Variants in ATP11A observed in about 807,000 individuals in gnomAD.
ATP11A encodes ATPase phospholipid transporting 11A, also known as phospholipid-transporting ATPase IH.
ATP11A carries 81 observed loss-of-function variants against 154.4 expected under a neutral mutation model. That is an observed-to-expected ratio of 0.52 (90% CI 0.44 to 0.63). ATP11A has a LOEUF of 0.63. Ranked by LOEUF, ATP11A falls within the 30% of genes least tolerant of loss-of-function variation. ATP11A has a pLI of 0.00. For missense variants in ATP11A, 1,316 were observed against 1,474.3 expected, an observed-to-expected ratio of 0.89 and a Z score of 1.76; for synonymous variants, 623 against 585.9, an observed-to-expected ratio of 1.06 and a Z score of -0.91.
chr13:112,854,568 G>A (rs376859894), intron 19 of ATP11A, 38 bp downstream of exon 19: 2 of 1,558,930 alleles, frequency 1.3e-6, no homozygotes, highest in South Asian at 1.1e-5. Flanking sequence ...CCACACTCCC[G>A]CAAAAGGGGC....
chr13:112,828,400 G>C (rs1038093657), intron 12 of ATP11A, among the ~76,000 whole-genome samples: 3 of 145,030 alleles, frequency 2.1e-5, no homozygotes, highest in Admixed American at 6.9e-5. Context: ...TGTTGAGTAG[G>C]GGGGAAAGCG....
At chr13:112,741,354 C>T (rs1204353229) in intron 1 of ATP11A, among the ~76,000 whole-genome samples, 4 of 95,444 alleles carry the variant, frequency 4.2e-5, no homozygotes, top group Non-Finnish European at 8.8e-5. Context: ...CTGGTCCCTG[C>T]GGGGCTGTGG....
intron 12 of ATP11A, among the ~76,000 whole-genome samples, chr13:112,827,339 C>T (rs1461220303): frequency 2.0e-5 from 3 of 152,200 alleles, no homozygotes; most frequent in Admixed American, 2.0e-4. Context: ...ATGATGGCTG[C>T]GGGAGCTCGG....
At chr13:112,767,646 T>C (rs2077127598) in intron 1 of ATP11A, among the ~76,000 whole-genome samples, 1 of 147,640 alleles carries the variant, frequency 6.8e-6, no homozygotes, top group African/African-American at 2.6e-5. Flanking sequence ...GGTGTGTGAC[T>C]CTTTTACTCT....
At chr13:112,865,868 A>C (rs1440633078) in intron 25 of ATP11A, among the ~76,000 whole-genome samples, 2 of 152,202 alleles carry the variant, frequency 1.3e-5, no homozygotes, top group African/African-American at 4.8e-5. Flanking sequence ...TGAGGTTTTC[A>C]GACTTTATCT....
chr13:112,852,795 T>TGGC (rs1408194013), intron 18 of ATP11A, among the ~76,000 whole-genome samples: 37 of 130,876 alleles, frequency 2.8e-4, no homozygotes, highest in Non-Finnish European at 4.7e-4. Context: ...CGGGGGGGGA[T>TGGC]CTCAGTGGCT....
chr13:112,881,351 A>C, intron 29 of ATP11A: 1 of 1,015,592 alleles, frequency 9.8e-7, no homozygotes. Context: ...CAAGCTGGGC[A>C]CGTCCAGTAC....
rs145334974 is a variant in ATP11A at position 112,700,361 on chromosome 13, C to T, written c.39+9906C>T. ...GGGAGGCAGCCTGGGACAGGCGGGTCCTGCTCCAGAGAGAGAAGGGGCTGC... is the reference window on the plus strand; with the variant it reads ...GGGAGGCAGCCTGGGACAGGCGGGTTCTGCTCCAGAGAGAGAAGGGGCTGC... On this transcript the variant is annotated intron_variant, in intron 1 of 29. Coordinates refer to ENST00000375645, the MANE Select transcript of ATP11A (RefSeq NM_015205.3). Among the ~76,000 whole-genome samples, 1,473 of 152,240 alleles carry T rather than the reference C, an allele frequency of 9.7e-3. 35 individuals carry two copies. The highest frequency in any genetic ancestry group is 0.034 in the African/African-American group (1,416 of 41,558).
Position 112,816,138 on chromosome 13 carries a change from T to C in ATP11A, c.497T>C (p.Phe166Ser), listed in dbSNP as rs770435074. The C allele has an allele frequency of 3.1e-6, 5 of 1,614,196 alleles. No homozygotes were observed. Among genetic ancestry groups the C allele is most frequent in the Non-Finnish European group, 3.4e-6 (4 of 1,180,044 alleles). ...EDETFPCDLI[F>S]LSSNRGDGTC... ...GAGACCTTTCCCTGCGACTTGATCT[T>C]CCTTTCCAGCAACCGGGGAGATGGG... The change falls in exon 6 of 30, where the codon TTC becomes TCC. Residue 166 changes from phenylalanine to serine, a missense_variant. This residue lies in a region of ATP11A where 876 missense variants were observed against 1,006.8 expected (regional missense o/e 0.87). Transcript: ENST00000375645.
chr13:112,787,748 G>A (rs2077688887), intron 2 of ATP11A, among the ~76,000 whole-genome samples: 1 of 151,200 alleles, frequency 6.6e-6, no homozygotes, highest in Non-Finnish European at 1.5e-5. Flanking sequence ...CTGATGTGTA[G>A]ACCCCTGTGG....
intron 13 of ATP11A, among the ~76,000 whole-genome samples, chr13:112,831,824 C>G (rs548846374): frequency 6.6e-6 from 1 of 152,342 alleles, no homozygotes; most frequent in East Asian, 1.9e-4. Flanking sequence ...CACATGCACA[C>G]ACGCTCACAT....
chr13:112,715,466 C>T (rs1407889648), intron 1 of ATP11A, among the ~76,000 whole-genome samples: 1 of 10,812 alleles, frequency 9.2e-5, no homozygotes, highest in Admixed American at 1.3e-3. Flanking sequence ...CCTGGCCCAT[C>T]CCCCACACCT....
intron 12 of ATP11A, 29 bp from the exon 13 acceptor site, chr13:112,831,346 C>G (rs755767984): frequency 1.6e-5 from 26 of 1,604,138 alleles, no homozygotes; most frequent in Middle Eastern, 1.7e-4. Flanking sequence ...TCCCTCAGAG[C>G]GCCCTGACTT....
chr13:112,787,170 G>A (rs531928010), intron 2 of ATP11A, among the ~76,000 whole-genome samples: 25 of 143,864 alleles, frequency 1.7e-4, no homozygotes, highest in Admixed American at 1.5e-3. Context: ...GTCCTGATGC[G>A]TAGACCCCTG....
chr13:112,823,908 C>T lies in ATP11A; in HGVS notation c.791-436C>T, dbSNP rs536668563. Among the ~76,000 whole-genome samples, 19 of 152,304 alleles carry T rather than the reference C, an allele frequency of 1.2e-4. No individual in the cohort carries two copies. In the South Asian group the frequency reaches 1.7e-3, roughly 13 times the overall value. ...CAAGGCCCTATTTGCATGTAGCCTACGCATGTCTGCCCCTGTAGTTCACAT... is the reference window on the plus strand; with the variant it reads ...CAAGGCCCTATTTGCATGTAGCCTATGCATGTCTGCCCCTGTAGTTCACAT... On this transcript the variant is annotated intron_variant, in intron 9 of 29. Coordinates refer to ENST00000375645, the MANE Select transcript of ATP11A (RefSeq NM_015205.3).
chr13:112,865,286 G>T (rs1246594423), intron 25 of ATP11A, among the ~76,000 whole-genome samples: 2 of 148,028 alleles, frequency 1.4e-5, no homozygotes, highest in Non-Finnish European at 3.0e-5. Context: ...TCCCAGCGGG[G>T]TCCATCACCA....
chr13:112,881,227 C>T (rs1395076203), intron 29 of ATP11A: 3 of 989,598 alleles, frequency 3.0e-6, no homozygotes, highest in East Asian at 1.1e-4. Flanking sequence ...CCTGCCGCTC[C>T]CCTTGCTGGT....
chr13:112,690,436 G>A lies in ATP11A; in HGVS notation c.20G>A (p.Arg7Gln), dbSNP rs556529412. Residue 7 changes from arginine (R) to glutamine (Q), a missense_variant, in exon 1 of 30, where the codon CGG becomes CAG. Physicochemically the swap from Arg to Gln is conservative, Grantham distance 43. Coordinates refer to ENST00000375645, the MANE Select transcript of ATP11A (RefSeq NM_015205.3). The surrounding 1 kb of genome is among the most constrained non-coding windows in gnomAD (Gnocchi z 5.6). ...GGAGCCATGGACTGCAGCCTCGTGC[G>A]GACGCTCGTGCACAGATACGTGAGT... MDCSLV[R>Q]TLVHRYCAGE... The A allele has an allele frequency of 3.0e-6, 4 of 1,349,390 alleles. No individual in the cohort carries two copies. The highest frequency in any genetic ancestry group is 3.1e-5 in the Admixed American group (1 of 32,154). The allele number at this position is 1,349,390 out of a possible 1,614,324, so 83.6% of individuals were successfully genotyped here.
At chr13:112,773,039 C>A (rs998511974) in intron 1 of ATP11A, among the ~76,000 whole-genome samples, 11 of 152,130 alleles carry the variant, frequency 7.2e-5, no homozygotes, top group Admixed American at 2.6e-4. Flanking sequence ...AAGGCCTGGT[C>A]CATGGTGATC....
Sources: gnomAD v4.1 joint callset for allele counts (sites outside exome capture counted in the v4.1 genomes callset) on GRCh38, gnomAD v4.1.1 for gene constraint, gnomAD v4.1.1 regional missense constraint, Gnocchi (gnomAD v3.1) non-coding constraint, MANE v1.5 for transcripts, NCBI Gene and HGNC (gene_info 2026-07-23, HGNC 2026-07-21) for gene names.